The following UTS2B variants were observed in gnomAD, a reference collection of about 807,000 sequenced individuals.
The protein encoded by UTS2B is urotensin-2B.
In UTS2B, 21 loss-of-function variants were observed where a neutral mutation model predicts 19.2. The ratio of observed to expected loss-of-function variants is 1.09; its 90% CI spans 0.78 to 1.58. UTS2B has a LOEUF of 1.58. Ranked by LOEUF, UTS2B falls within the 40% of genes most tolerant of loss-of-function variation. The probability of loss-of-function intolerance (pLI) is 0.00; values close to 1 mark genes in which losing one functional copy is unlikely to be tolerated. For synonymous variants in UTS2B, 57 were observed against 50.2 expected, an observed-to-expected ratio of 1.14 and a Z score of -0.58; for missense variants, 138 against 130.3, an observed-to-expected ratio of 1.06 and a Z score of -0.29.
chr3:191,307,837 C>CTTTTTT (rs34254108), intron 3 of UTS2B, among the ~76,000 whole-genome samples: 1 of 138,436 alleles, frequency 7.2e-6, no homozygotes, highest in African/African-American at 2.7e-5. Flanking sequence ...GTTTTCTTCT[C>CTTTTTT]TTTTTTTTTT....
intron 4 of UTS2B, among the ~76,000 whole-genome samples, chr3:191,287,291 A>T (rs1306306548): frequency 6.6e-6 from 1 of 152,140 alleles, no homozygotes; most frequent in Non-Finnish European, 1.5e-5. Context: ...CCAGATAAAG[A>T]CATTACAAGA....
intron 3 of UTS2B, 64 bp downstream of exon 3, chr3:191,315,972 C>T (rs1408072518): frequency 6.6e-6 from 1 of 152,182 alleles, no homozygotes; most frequent in Non-Finnish European, 1.5e-5. Flanking sequence ...TAGCTTTATA[C>T]AGTAGCATGT....
intron 6 of UTS2B, chr3:191,277,469 C>T (rs1358843722): frequency 2.6e-5 from 4 of 152,096 alleles, no homozygotes; most frequent in Non-Finnish European, 4.4e-5. Flanking sequence ...CATATTGTCA[C>T]ATTTTCTCTT....
intron 2 of UTS2B, among the ~76,000 whole-genome samples, chr3:191,317,736 G>A (rs1193052364): frequency 6.6e-6 from 1 of 151,852 alleles, no homozygotes; most frequent in Non-Finnish European, 1.5e-5. Flanking sequence ...GCACCACTAC[G>A]CCCAACTAAT....
At chr3:191,298,737 G>C (rs922981235) in intron 4 of UTS2B, among the ~76,000 whole-genome samples, 1 of 152,206 alleles carries the variant, frequency 6.6e-6, no homozygotes, top group Non-Finnish European at 1.5e-5. Flanking sequence ...GGTTGGAAGA[G>C]TGTGGAGGGC....
chr3:191,335,462 T>G (rs1711504354), upstream of UTS2B, among the ~76,000 whole-genome samples: 1 of 152,172 alleles, frequency 6.6e-6, no homozygotes, highest in Non-Finnish European at 1.5e-5. Flanking sequence ...GTTTTTATAT[T>G]TAGAAGGACT....
At chr3:191,299,630 T>A (rs1352111328) in intron 4 of UTS2B, among the ~76,000 whole-genome samples, 1 of 152,222 alleles carries the variant, frequency 6.6e-6, no homozygotes, top group African/African-American at 2.4e-5. Flanking sequence ...AGCTGAGCCC[T>A]CATGGAGAAC....
intron 3 of UTS2B, among the ~76,000 whole-genome samples, chr3:191,308,017 G>GTAA (rs1414130831): frequency 6.6e-6 from 1 of 151,922 alleles, no homozygotes; most frequent in African/African-American, 2.4e-5. Context: ...TGTATTTTTA[G>GTAA]TAAGGGCGGG....
chr3:191,309,066 C>T (rs918370912), intron 3 of UTS2B, among the ~76,000 whole-genome samples: 5 of 152,176 alleles, frequency 3.3e-5, no homozygotes, highest in Non-Finnish European at 7.3e-5. Context: ...GGTTAATGTG[C>T]TTCAGTAACA....
At chr3:191,301,543 G>C (rs1033185952) in intron 4 of UTS2B, among the ~76,000 whole-genome samples, 3 of 141,542 alleles carry the variant, frequency 2.1e-5, no homozygotes, top group African/African-American at 8.0e-5. Flanking sequence ...CTGGAGTGCA[G>C]TGGTGTGATC....
the UTS2B span, among the ~76,000 whole-genome samples, chr3:191,343,202 C>G: frequency 2.0e-5 from 3 of 152,108 alleles, no homozygotes; most frequent in African/African-American, 7.2e-5. Flanking sequence ...CTCACGTATA[C>G]CCAGGGATGA....
intron 4 of UTS2B, among the ~76,000 whole-genome samples, chr3:191,291,350 T>C (rs1218255344): frequency 6.6e-6 from 1 of 152,228 alleles, no homozygotes; most frequent in African/African-American, 2.4e-5. Flanking sequence ...TTCTTGTTTT[T>C]GAGTACTATA....
At chr3:191,335,883 A>G in the UTS2B span, among the ~76,000 whole-genome samples, 2 of 151,944 alleles carry the variant, frequency 1.3e-5, no homozygotes, top group African/African-American at 4.8e-5. Context: ...CACCACAACA[A>G]TCAAGATACA....
At chr3:191,276,635 G>A (rs543094495) in intron 7 of UTS2B, among the ~76,000 whole-genome samples, 172 bp downstream of exon 7, 1 of 152,128 alleles carries the variant, frequency 6.6e-6, no homozygotes, top group Non-Finnish European at 1.5e-5. Flanking sequence ...TTTGTTTTGT[G>A]TTAGTATAAC....
intron 3 of UTS2B, among the ~76,000 whole-genome samples, chr3:191,306,525 GCA>G (rs895128085): frequency 1.3e-5 from 2 of 152,160 alleles, no homozygotes; most frequent in African/African-American, 4.8e-5. Flanking sequence ...GCCTAATACA[GCA>G]CAGAGACATT....
At chr3:191,289,496 G>A (rs375151768) in intron 4 of UTS2B, among the ~76,000 whole-genome samples, 1 of 151,078 alleles carries the variant, frequency 6.6e-6, no homozygotes. Flanking sequence ...TATTCATCAC[G>A]GCATTATTCC....
chr3:191,273,474 G>A, intron 8 of UTS2B: 2 of 456,698 alleles, frequency 4.4e-6, no homozygotes, highest in South Asian at 1.5e-5. Flanking sequence ...TCCGAACTGA[G>A]GCAATTGAAA....
At chr3:191,310,584 G>C (rs1320985788) in intron 3 of UTS2B, among the ~76,000 whole-genome samples, 1 of 152,170 alleles carries the variant, frequency 6.6e-6, no homozygotes, top group Admixed American at 6.5e-5. Flanking sequence ...ATTTCTGTGA[G>C]TAATGAACTG....
At chr3:191,330,593 A>T (rs1717947775), upstream of UTS2B, 1 of 151,846 alleles carries the variant, frequency 6.6e-6, no homozygotes, top group Non-Finnish European at 1.5e-5. Context: ...GCTGACGCAG[A>T]CCCCTAAGTT....
Sources: gnomAD v4.1 joint callset for allele counts (sites outside exome capture counted in the v4.1 genomes callset) on GRCh38, gnomAD v4.1.1 for gene constraint, MANE v1.5 for transcripts, NCBI Gene and HGNC (gene_info 2026-07-23, HGNC 2026-07-21) for gene names.